NDC80: variants seen among roughly 807,000 people sequenced by gnomAD.
NDC80 encodes kinetochore protein NDC80 homolog.
A neutral mutation model predicts 89.3 loss-of-function variants in NDC80; 69 were observed. That is an observed-to-expected ratio of 0.77 (90% CI 0.64 to 0.94). NDC80 has a LOEUF of 0.94. NDC80 is among the 40% of genes least tolerant of loss of function. The pLI is 0.00. For synonymous variants in NDC80, 243 were observed against 255.6 expected (o/e 0.95, Z 0.47); for missense variants, 593 against 739.6 (o/e 0.80, Z 2.30).
At chr18:2,600,148 A>G (rs765213849) in intron 12 of NDC80, among the ~76,000 whole-genome samples, 8 of 152,234 alleles carry the variant, frequency 5.3e-5, no homozygotes, top group Non-Finnish European at 1.2e-4. Flanking sequence ...TACATGAATC[A>G]CATTCTTGTA....
At chr18:2,587,790 G>T in intron 7 of NDC80, 40 bp from the exon 8 acceptor site, 1 of 1,498,520 alleles carries the variant, frequency 6.7e-7, no homozygotes, top group South Asian at 1.1e-5. Flanking sequence ...ACCAAATAGA[G>T]AATCATAACT....
intron 12 of NDC80, among the ~76,000 whole-genome samples, chr18:2,600,253 TAA>T (rs1242643019): frequency 6.6e-6 from 1 of 152,078 alleles, no homozygotes; most frequent in Non-Finnish European, 1.5e-5. Flanking sequence ...AATAGAACAA[TAA>T]AATAGAATCA....
intron 15 of NDC80, 121 bp downstream of exon 15, chr18:2,608,951 G>T: frequency 9.1e-7 from 1 of 1,093,380 alleles, no homozygotes; most frequent in Non-Finnish European, 1.3e-6. Context: ...AGGATGGAAA[G>T]AATGGTATAT....
At chr18:2,587,652 A>G (rs185308117) in intron 7 of NDC80, among the ~76,000 whole-genome samples, 178 bp from the exon 8 acceptor site, 225 of 152,354 alleles carry the variant, frequency 1.5e-3, no homozygotes, top group African/African-American at 5.2e-3. Flanking sequence ...AGCAGACTAA[A>G]TAAGTCCATA....
intron 6 of NDC80, among the ~76,000 whole-genome samples, chr18:2,580,610 A>G (rs1283845709): frequency 6.6e-6 from 1 of 152,020 alleles, no homozygotes; most frequent in Admixed American, 6.6e-5. Flanking sequence ...CCAATGCCAT[A>G]GCCCATTAAT....
intron 11 of NDC80, 110 bp from the exon 12 acceptor site, chr18:2,598,909 C>A: frequency 3.8e-6 from 4 of 1,058,390 alleles, no homozygotes; most frequent in Admixed American, 2.8e-5. Flanking sequence ...AATTAGTAAA[C>A]TACTAAAAAT....
intron 10 of NDC80, 111 bp downstream of exon 10, chr18:2,590,273 AG>A (rs1192206924): frequency 8.5e-5 from 96 of 1,127,440 alleles, no homozygotes; most frequent in Non-Finnish European, 2.4e-5. Context: ...ACATGCTTAG[AG>A]CAGGCTACCA....
At chr18:2,600,199 G>A (rs1026094257) in intron 12 of NDC80, among the ~76,000 whole-genome samples, 15 of 152,286 alleles carry the variant, frequency 9.8e-5, no homozygotes, top group Non-Finnish European at 4.4e-5. Context: ...GAATATGCTC[G>A]AGGAGAAATT....
chr18:2,584,952 G>A (rs1378044294), intron 6 of NDC80, among the ~76,000 whole-genome samples, 161 bp from the exon 7 acceptor site: 1 of 152,138 alleles, frequency 6.6e-6, no homozygotes, highest in Non-Finnish European at 1.5e-5. Context: ...TCGAAAGAAA[G>A]TCAAAAGTGT....
In NDC80 at chr18:2,587,740, T is replaced by A. The variant is rs2072609185; in HGVS notation, c.670-90T>A. 5.9e-6 allele frequency: 6 copies of A among 1,023,256 alleles called. No individual in the cohort carries two copies. The East Asian group carries it at 1.5e-4, about 25-fold the overall frequency. 63.4% of individuals were successfully genotyped at this position (1,023,256 alleles called of 1,614,324 possible). ...CTACTTAGTATTTCTGACTATTTTT[T>A]AAATTCAAATATAAATTTCCACCTA... On this transcript the variant is annotated intron_variant, in intron 7 of 16. Coordinates refer to ENST00000261597, the MANE Select transcript of NDC80 (RefSeq NM_006101.3).
chr18:2,577,564 T>TA (rs2072553420), intron 3 of NDC80, among the ~76,000 whole-genome samples, 182 bp from the exon 4 acceptor site: 2 of 152,240 alleles, frequency 1.3e-5, no homozygotes, highest in Admixed American at 1.3e-4. Flanking sequence ...TTAACTGCTG[T>TA]AACCTCATAT....
rs537927701 is a variant in NDC80 at position 2,608,245 on chromosome 18, G to A, written c.1558-455G>A. ...TTTTGAGACAGTGTCTCGCTCTGTCGCTCAGGCTGGAATGCAATGGCACAG... is the reference window on the plus strand; with the variant it reads ...TTTTGAGACAGTGTCTCGCTCTGTCACTCAGGCTGGAATGCAATGGCACAG... On this transcript the variant is annotated intron_variant, in intron 14 of 16. Transcript: ENST00000261597. Among the ~76,000 whole-genome samples the A allele has an allele frequency of 4.7e-4, 71 of 149,944 alleles. 1 individual carries two copies. In the South Asian group the frequency reaches 8.6e-3, roughly 18 times the overall value.
chr18:2,587,691 T>C (rs898356278), intron 7 of NDC80, 139 bp from the exon 8 acceptor site: 9 of 582,414 alleles, frequency 1.5e-5, no homozygotes, highest in Non-Finnish European at 2.4e-5. Flanking sequence ...TAGGTTTTTG[T>C]CTCTTATTTA....
chr18:2,592,458 C>T (rs1568003087), intron 10 of NDC80, among the ~76,000 whole-genome samples: 2 of 151,406 alleles, frequency 1.3e-5, no homozygotes, highest in South Asian at 2.1e-4. Context: ...GGGGTTCAAG[C>T]AAGTCTCCTC....
At chr18:2,609,105 A>T (rs186136167) in intron 15 of NDC80, among the ~76,000 whole-genome samples, 12 of 152,324 alleles carry the variant, frequency 7.9e-5, no homozygotes, top group Non-Finnish European at 1.6e-4. Flanking sequence ...AAAACAACAT[A>T]AAAAATTTTA....
chr18:2,578,097 C>A lies in NDC80; in HGVS notation c.432C>A (p.Asp144Glu), dbSNP rs745618664. The change falls in exon 5 of 17, where the codon GAC becomes GAA. Residue 144 changes from aspartate to glutamate, a missense_variant. Asp to Glu is a conservative substitution (Grantham distance 45, BLOSUM62 2). Transcript: ENST00000261597. ...GFLCPSYELP[D>E]TKFEEEVPRI... ...TGTGCCCCTCATACGAACTTCCTGA[C>A]ACAAAGTTTGAAGAAGAGGTTCCAA... 1 of 1,613,954 alleles carries A rather than the reference C, an allele frequency of 6.2e-7. No homozygotes were observed. Among genetic ancestry groups the A allele is most frequent in the Non-Finnish European group, 8.5e-7 (1 of 1,179,964 alleles).
chr18:2,589,993 AAAGT>A, intron 9 of NDC80, 21 bp from the exon 10 acceptor site: 1 of 1,438,418 alleles, frequency 7.0e-7, no homozygotes, highest in Non-Finnish European at 9.3e-7. Context: ...AAGAATAACT[AAAGT>A]TATATTCTTT....
chr18:2,575,048 T>G lies in NDC80; in HGVS notation c.161T>G (p.Val54Gly). Reference sequence around the variant, plus strand: ...AACAAACCGACATCTGAAAGAAAAGTCTCGCTATTTGGCAAAAGGTAATTA... The same window carrying G: ...AACAAACCGACATCTGAAAGAAAAGGCTCGCTATTTGGCAAAAGGTAATTA... ...SINKPTSERK[V>G]SLFGKRTSGH... Residue 54 changes from valine to glycine, a missense_variant, in exon 3 of 17, where the codon GTC becomes GGC. Val to Gly is a moderately radical substitution (Grantham distance 109). Transcript: ENST00000261597. 1 of 1,611,114 alleles carries G rather than the reference T, an allele frequency of 6.2e-7. No individual in the cohort carries two copies. The highest frequency in any genetic ancestry group is 1.3e-5 in the African/African-American group (1 of 74,980).
intron 3 of NDC80, among the ~76,000 whole-genome samples, chr18:2,576,989 T>C (rs930505733): frequency 2.0e-5 from 3 of 152,224 alleles, no homozygotes; most frequent in African/African-American, 7.2e-5. Context: ...GTTTCATTGG[T>C]TTAAACTTCC....
Sources: allele counts gnomAD v4.1 joint callset (sites outside exome capture counted in the v4.1 genomes callset), GRCh38; gene constraint gnomAD v4.1.1; transcripts MANE v1.5; gene names NCBI Gene and HGNC (gene_info 2026-07-23, HGNC 2026-07-21).